ZNF33A: variants seen among roughly 807,000 people sequenced by gnomAD.
ZNF33A encodes brain my041 protein.
In ZNF33A, 9 loss-of-function variants were observed where a neutral mutation model predicts 15.9. The ratio of observed to expected loss-of-function variants is 0.57; its 90% CI spans 0.34 to 0.99. The LOEUF (loss-of-function observed/expected upper bound fraction) is 0.99, where lower values mean the gene tolerates loss of function less well. Ranked by LOEUF, ZNF33A falls within the 50% of genes least tolerant of loss-of-function variation. The pLI, the probability that ZNF33A is intolerant of heterozygous loss-of-function variation, is 0.02. For synonymous variants in ZNF33A, 294 were observed against 324.2 expected (o/e 0.91, Z 1.00); for missense variants, 843 against 941.6 (o/e 0.90, Z 1.37).
downstream of ZNF33A, chr10:38,064,184 C>T (rs2066688455): frequency 1.4e-6 from 2 of 1,464,894 alleles, no homozygotes; most frequent in Non-Finnish European, 1.9e-6. Context: ...AGATCCATGG[C>T]CTTCCCTTCT....
rs1396179223 is a variant in ZNF33A, at chr10:38,055,569, CA to C, written c.1448del (p.Asn483IlefsTer10). On this transcript the variant is annotated frameshift_variant, in exon 5 of 5. Coordinates refer to ENST00000432900, the MANE Select transcript of ZNF33A (RefSeq NM_006954.2). LOFTEE classifies it low-confidence loss of function (END_TRUNC). ...LECGKSFSEKSNLTQHQRIHI... is the reference protein window; with the variant it reads ...LECGKSFSEKXNLTQHQRIHI... ...TGTGGGAAATCCTTTAGTGAAAAGT[CA>C]AATCTTACACAGCATCAGAGAATTC... 1 of 1,614,086 alleles carries C rather than the reference CA, an allele frequency of 6.2e-7. No individual in the cohort carries two copies. Among genetic ancestry groups the C allele is most frequent in the Admixed American group, 1.7e-5 (1 of 60,018 alleles).
At chr10:38,043,462 C>T (rs1036164467) in intron 4 of ZNF33A, among the ~76,000 whole-genome samples, 19 of 151,210 alleles carry the variant, frequency 1.3e-4, no homozygotes, top group African/African-American at 3.2e-4. Flanking sequence ...CAAACCTGCA[C>T]GTTGTGCACA....
Position 38,058,145 on chromosome 10 carries a change from A to T in ZNF33A, c.*1585A>T. On this transcript the variant is annotated 3_prime_UTR_variant, in exon 5 of 5. Transcript: ENST00000432900. ...TAAATCCAAAGTAACCTGAAAAAACATTAGAGTAAAAATCATTGAAATTGA... is the reference window on the plus strand; with the variant it reads ...TAAATCCAAAGTAACCTGAAAAAACTTTAGAGTAAAAATCATTGAAATTGA... 1 of 780,708 alleles carries T rather than the reference A, an allele frequency of 1.3e-6. No individual in the cohort carries two copies. The highest frequency in any genetic ancestry group is 1.6e-6 in the Non-Finnish European group (1 of 643,080). 48.4% of individuals were successfully genotyped at this position (780,708 alleles called of 1,614,324 possible).
intron 4 of ZNF33A, among the ~76,000 whole-genome samples, chr10:38,040,427 TA>T (rs1384156146): frequency 1.3e-5 from 2 of 152,192 alleles, no homozygotes; most frequent in East Asian, 1.9e-4. Context: ...TAGACTTGTA[TA>T]TTTTTTTCTT....
At chr10:38,047,859 C>G (rs1019698083) in intron 4 of ZNF33A, among the ~76,000 whole-genome samples, 1 of 152,014 alleles carries the variant, frequency 6.6e-6, no homozygotes, top group Non-Finnish European at 1.5e-5. Flanking sequence ...GAAAACTACA[C>G]TAAGCCACAT....
At chr10:38,063,718 C>T (rs1290083340), downstream of ZNF33A, among the ~76,000 whole-genome samples, 1 of 152,180 alleles carries the variant, frequency 6.6e-6, no homozygotes, top group Non-Finnish European at 1.5e-5. Context: ...GAACTGACAT[C>T]AAGATGAAAT....
At chr10:38,010,649 A>T, upstream of ZNF33A, 1 of 1,515,336 alleles carries the variant, frequency 6.6e-7, no homozygotes, top group Non-Finnish European at 9.1e-7. Flanking sequence ...GGCTCTGCGC[A>T]TGCCTCGTCC....
At chr10:38,064,415 G>A, downstream of ZNF33A, 1 of 380,242 alleles carries the variant, frequency 2.6e-6, no homozygotes, top group Non-Finnish European at 4.7e-6. Flanking sequence ...TCCTCCCGAG[G>A]AGTGTCCACA....
At chr10:38,044,958 G>A (rs1188719977) in intron 4 of ZNF33A, among the ~76,000 whole-genome samples, 3 of 152,270 alleles carry the variant, frequency 2.0e-5, no homozygotes, top group Admixed American at 6.5e-5. Context: ...GTGAGCCACC[G>A]TGTCTGGCCC....
At position 38,024,772 on chromosome 10, in the gene ZNF33A, T is replaced by G. The variant is rs1439337625; in HGVS notation, c.250+7386T>G. On this transcript the variant is annotated intron_variant, in intron 4 of 4. Transcript: ENST00000432900. Reference sequence around the variant, plus strand: ...AATATTAAATAGGAAACTTCAGAAATAAATAATTCCTCAGTTTTAAGTTGC... The same window carrying G: ...AATATTAAATAGGAAACTTCAGAAAGAAATAATTCCTCAGTTTTAAGTTGC... Among the ~76,000 whole-genome samples the G allele has an allele frequency of 2.6e-5, 4 of 152,380 alleles. No homozygotes were observed. The East Asian group carries it at 7.7e-4, about 29-fold the overall frequency.
At chr10:38,010,822 C>G in intron 1 of ZNF33A, 39 bp downstream of exon 1, 3 of 1,596,216 alleles carry the variant, frequency 1.9e-6, no homozygotes, top group Non-Finnish European at 2.5e-6. Flanking sequence ...GAGAGGGAGC[C>G]CCGCGCGACT....
chr10:38,049,892 T>G (rs2066121048), intron 4 of ZNF33A, among the ~76,000 whole-genome samples: 1 of 152,202 alleles, frequency 6.6e-6, no homozygotes, highest in African/African-American at 2.4e-5. Flanking sequence ...ATAAGAATGA[T>G]GAATCACTGA....
At chr10:38,035,845 GA>G (rs1286713495) in intron 4 of ZNF33A, among the ~76,000 whole-genome samples, 1 of 152,118 alleles carries the variant, frequency 6.6e-6, no homozygotes, top group Non-Finnish European at 1.5e-5. Flanking sequence ...AAAGAAGAAA[GA>G]AAGAAAATAA....
intron 4 of ZNF33A, among the ~76,000 whole-genome samples, chr10:38,036,493 G>C (rs1476817909): frequency 2.6e-5 from 4 of 151,904 alleles, no homozygotes; most frequent in Non-Finnish European, 5.9e-5. Flanking sequence ...GCCTGCAGAA[G>C]AAAACCATAT....
At chr10:38,051,590 G>T (rs988665766) in intron 4 of ZNF33A, among the ~76,000 whole-genome samples, 1 of 152,004 alleles carries the variant, frequency 6.6e-6, no homozygotes, top group Admixed American at 6.6e-5. Flanking sequence ...GATCAATCAA[G>T]ATATCATATT....
chr10:38,054,421 A>T lies in ZNF33A; in HGVS notation c.297A>T (p.Gln99His). Reference sequence around the variant, plus strand: ...TGAAAGAGAGGAGCCAAGAAAACCAATCTAAACATTTGTGGGAAGTTGTAT... The same window carrying T: ...TGAAAGAGAGGAGCCAAGAAAACCATTCTAAACATTTGTGGGAAGTTGTAT... ...DHLKERSQEN[Q>H]SKHLWEVVFI... Residue 99 changes from glutamine (Q) to histidine (H), a missense_variant, in exon 5 of 5, where the codon CAA becomes CAT. Transcript: ENST00000432900. 6.3e-7 allele frequency: 1 copy of T among 1,598,910 alleles called. No individual in the cohort carries two copies. Among genetic ancestry groups the T allele is most frequent in the South Asian group, 1.1e-5 (1 of 87,248 alleles).
intron 2 of ZNF33A, among the ~76,000 whole-genome samples, chr10:38,015,622 A>G (rs2064417142): frequency 6.6e-6 from 1 of 152,138 alleles, no homozygotes; most frequent in Non-Finnish European, 1.5e-5. Flanking sequence ...TGCCAAGCCT[A>G]TGCTTCAAAT....
rs1038229874 is a variant in ZNF33A at position 38,060,009 on chromosome 10, C to T, written c.*3449C>T. 1.0e-5 allele frequency: 10 copies of T among 975,046 alleles called. No homozygotes were observed. In the African/African-American group the frequency reaches 1.6e-4, roughly 15 times the overall value. 60.4% of individuals were successfully genotyped at this position (975,046 alleles called of 1,614,324 possible). A position where few individuals can be genotyped will look rare whatever the true frequency, so the allele number is the denominator to read the frequency against. ...TCAACTTTCTGTAACCCTAAAGCTACTCTAAAAAATGAAGTGTATCAAGTA... is the reference window on the plus strand; with the variant it reads ...TCAACTTTCTGTAACCCTAAAGCTATTCTAAAAAATGAAGTGTATCAAGTA... On this transcript the variant is annotated 3_prime_UTR_variant, in exon 5 of 5. Transcript: ENST00000432900.
intron 4 of ZNF33A, among the ~76,000 whole-genome samples, chr10:38,033,187 G>A (rs2065287271): frequency 6.6e-6 from 1 of 152,154 alleles, no homozygotes; most frequent in African/African-American, 2.4e-5. Flanking sequence ...TAATCTGGAT[G>A]TTTCATAAAA....
Sources: allele counts gnomAD v4.1 joint callset (sites outside exome capture counted in the v4.1 genomes callset), GRCh38; gene constraint gnomAD v4.1.1; transcripts MANE v1.5; gene names NCBI Gene and HGNC (gene_info 2026-07-23, HGNC 2026-07-21).